The following NALF1 variants were observed in gnomAD, a reference collection of about 807,000 sequenced individuals.
The protein encoded by NALF1 is family with sequence similarity 155 member A.
Under a neutral mutation model 48.4 loss-of-function variants are expected in NALF1, and 3 were observed. The observed-to-expected ratio is 0.06, with a 90% confidence interval of 0.03 to 0.16. NALF1 has a LOEUF of 0.16. Among genes scored for constraint, NALF1 ranks in the 10% least tolerant of loss-of-function variants. The pLI is 1.00. For synonymous variants in NALF1, 262 were observed against 245.7 expected (o/e 1.07, Z -0.62); for missense variants, 526 against 571.5 (o/e 0.92, Z 0.81).
chr13:107,753,111 T>C (rs1876985904), intron 1 of NALF1, among the ~76,000 whole-genome samples: 2 of 152,228 alleles, frequency 1.3e-5, no homozygotes, highest in Admixed American at 1.3e-4. Context: ...ATTAAAGGCA[T>C]GTCCCTGCTT....
chr13:107,441,964 C>T (rs1884567027), intron 1 of NALF1, among the ~76,000 whole-genome samples: 1 of 151,526 alleles, frequency 6.6e-6, no homozygotes, highest in African/African-American at 2.4e-5. Context: ...GATAAAATAG[C>T]AATGTCAAAT....
At chr13:107,431,567 G>A (rs956677806) in intron 1 of NALF1, among the ~76,000 whole-genome samples, 1 of 152,194 alleles carries the variant, frequency 6.6e-6, no homozygotes, top group African/African-American at 2.4e-5. Flanking sequence ...TAGAGCTTTG[G>A]CTCAAGTTGC....
intron 1 of NALF1, among the ~76,000 whole-genome samples, chr13:107,800,030 CTAA>C (rs1183121361): frequency 1.3e-5 from 2 of 152,096 alleles, no homozygotes; most frequent in African/African-American, 4.8e-5. Context: ...GAGGGAGGTG[CTAA>C]TGTTTATTCT....
rs114727616 is a variant in NALF1 at position 107,422,515 on chromosome 13, T to C, written c.916-211760A>G. On this transcript the variant is annotated intron_variant, in intron 1 of 2. Coordinates refer to ENST00000375915, the MANE Select transcript of NALF1 (RefSeq NM_001080396.3). ...CATCATCATCATCACATTCAGGACA[T>C]TGATGGGCCCAAGTAGGGTCGGTTA... is the stretch of plus-strand genomic sequence containing the variant. Among the ~76,000 whole-genome samples the C allele has an allele frequency of 2.6e-3, 390 of 152,058 alleles. 2 individuals are homozygous for C. The highest frequency in any genetic ancestry group is 9.0e-3 in the African/African-American group (375 of 41,498).
rs28673048 is a variant in NALF1, at chr13:107,727,280, A to G, written c.915+138402T>C. Among the ~76,000 whole-genome samples, 55 of 152,320 alleles carry G rather than the reference A, an allele frequency of 3.6e-4. 1 individual carries two copies. In the East Asian group the frequency reaches 8.7e-3, roughly 24 times the overall value. ...TCTTGTAAGAATGTCATCTGAAAAC[A>G]TTAAAGTGAGTAAGATGCATTATTT... On this transcript the variant is annotated intron_variant, in intron 1 of 2. Coordinates refer to ENST00000375915, the MANE Select transcript of NALF1 (RefSeq NM_001080396.3).
In NALF1 at chr13:107,262,769, G is replaced by GCTCTCTCTCTCTCTCTCTCTCTCT. The variant is rs1555329321; in HGVS notation, c.916-52038_916-52015dup. Among the ~76,000 whole-genome samples the GCTCTCTCTCTCTCTCTCTCTCTCT allele has an allele frequency of 1.9e-3, 275 of 144,098 alleles. 2 individuals are homozygous for GCTCTCTCTCTCTCTCTCTCTCTCT. Among genetic ancestry groups the GCTCTCTCTCTCTCTCTCTCTCTCT allele is most frequent in the African/African-American group, 6.3e-3 (239 of 37,792 alleles). The allele number at this position is 144,098 out of a possible 152,430, so 94.5% of individuals were successfully genotyped here. A position where few individuals can be genotyped will look rare whatever the true frequency, so the allele number is the denominator to read the frequency against. ...ATATTAAGTTGCATAACCCACAGGC[G>GCTCTCTCTCTCTCTCTCTCTCTCT]CTCTCTCTCTCTCTCTCTCTCTCTC... is the stretch of plus-strand genomic sequence containing the variant. On this transcript the variant is annotated intron_variant, in intron 1 of 2. Coordinates refer to ENST00000375915, the MANE Select transcript of NALF1 (RefSeq NM_001080396.3).
chr13:107,429,941 C>A (rs1884347125), intron 1 of NALF1, among the ~76,000 whole-genome samples: 1 of 152,140 alleles, frequency 6.6e-6, no homozygotes, highest in African/African-American at 2.4e-5. Flanking sequence ...TTATTAAGAG[C>A]AAAATTCAAT....
chr13:107,773,784 C>T (rs915613979), intron 1 of NALF1, among the ~76,000 whole-genome samples: 2 of 149,668 alleles, frequency 1.3e-5, no homozygotes, highest in East Asian at 4.0e-4. Flanking sequence ...TGCTAAATGA[C>T]GAGTAAATGG....
At chr13:107,277,669 C>G (rs1881307741) in intron 1 of NALF1, among the ~76,000 whole-genome samples, 1 of 152,134 alleles carries the variant, frequency 6.6e-6, no homozygotes, top group Non-Finnish European at 1.5e-5. Flanking sequence ...ATTTCGGCTT[C>G]TCTCCTTCTC....
intron 1 of NALF1, among the ~76,000 whole-genome samples, chr13:107,843,428 C>T (rs1298597571): frequency 6.6e-6 from 1 of 152,126 alleles, no homozygotes; most frequent in Admixed American, 6.5e-5. Flanking sequence ...AAAGGAAATG[C>T]TAAAAGGACC....
At chr13:107,206,190 T>G (rs1161695068) in intron 2 of NALF1, among the ~76,000 whole-genome samples, 1 of 152,162 alleles carries the variant, frequency 6.6e-6, no homozygotes, top group Non-Finnish European at 1.5e-5. Flanking sequence ...TTTAGTCACG[T>G]GTCAGTTTTA....
At chr13:107,463,745 G>T (rs1020760000) in intron 1 of NALF1, among the ~76,000 whole-genome samples, 1 of 152,212 alleles carries the variant, frequency 6.6e-6, no homozygotes, top group African/African-American at 2.4e-5. Context: ...GTATTCAGTA[G>T]AGAACAGAAG....
intron 1 of NALF1, among the ~76,000 whole-genome samples, chr13:107,295,913 C>G (rs909264772): frequency 6.6e-6 from 1 of 152,158 alleles, no homozygotes; most frequent in African/African-American, 2.4e-5. Context: ...TTTTGCAAGT[C>G]GGTATTGTGA....
At chr13:107,185,941 T>C (rs986125954) in intron 2 of NALF1, among the ~76,000 whole-genome samples, 1 of 152,146 alleles carries the variant, frequency 6.6e-6, no homozygotes, top group Non-Finnish European at 1.5e-5. Flanking sequence ...CCAACCACAG[T>C]CCAAAAATGT....
At chr13:107,368,695 T>G (rs928895876) in intron 1 of NALF1, among the ~76,000 whole-genome samples, 2 of 152,230 alleles carry the variant, frequency 1.3e-5, no homozygotes, top group Admixed American at 6.5e-5. Context: ...TGATTACATT[T>G]AGGGCCCACC....
chr13:107,556,318 CAT>C (rs1488162828), intron 1 of NALF1, among the ~76,000 whole-genome samples: 17 of 143,912 alleles, frequency 1.2e-4, no homozygotes, highest in South Asian at 2.2e-4. Flanking sequence ...CACACACACA[CAT>C]ATATATATAT....
chr13:107,628,360 T>C (rs748114259), intron 1 of NALF1, among the ~76,000 whole-genome samples: 1 of 152,164 alleles, frequency 6.6e-6, no homozygotes, highest in African/African-American at 2.4e-5. Context: ...TAATGGACAC[T>C]ATATATCCCA....
intron 1 of NALF1, among the ~76,000 whole-genome samples, chr13:107,408,417 C>T (rs1216450620): frequency 6.6e-6 from 1 of 151,676 alleles, no homozygotes; most frequent in Admixed American, 6.6e-5. Context: ...TACTATATAC[C>T]CACAATTTTT....
At chr13:107,223,223 A>G (rs1022521748) in intron 1 of NALF1, among the ~76,000 whole-genome samples, 5 of 152,186 alleles carry the variant, frequency 3.3e-5, no homozygotes, top group Admixed American at 2.0e-4. Context: ...CATCTTGTGA[A>G]AGTGTTGTTA....
Sources: gnomAD v4.1 joint callset for allele counts (sites outside exome capture counted in the v4.1 genomes callset) on GRCh38, gnomAD v4.1.1 for gene constraint, MANE v1.5 for transcripts, NCBI Gene and HGNC (gene_info 2026-07-23, HGNC 2026-07-21) for gene names.